NXPE1: variants seen among roughly 807,000 people sequenced by gnomAD.
The protein encoded by NXPE1 is NXPE family member 1.
In NXPE1, 31 loss-of-function variants were observed where a neutral mutation model predicts 33.3. The ratio of observed to expected loss-of-function variants is 0.93; its 90% CI spans 0.70 to 1.26. The LOEUF (loss-of-function observed/expected upper bound fraction) is 1.26. Among genes scored for constraint, NXPE1 ranks in the 50% most tolerant of loss-of-function variants. The pLI, the probability that NXPE1 is intolerant of heterozygous loss-of-function variation, is 0.00. For synonymous variants in NXPE1, 229 were observed against 231.4 expected (o/e 0.99, Z 0.09); for missense variants, 661 against 655.6 (o/e 1.01, Z -0.09).
chr11:114,552,185 C>G lies in NXPE1; in HGVS notation c.-181-100G>C, dbSNP rs868299671. On this transcript the variant is annotated intron_variant, in intron 2 of 8. Transcript: ENST00000534921. ...AAATTATTTTAAACAAGATATAGTA[C>G]ACAGTTGCAACTCATATTGAATCAC... is the stretch of plus-strand genomic sequence containing the variant. The G allele has an allele frequency of 3.9e-5, 6 of 152,242 alleles. No homozygotes were observed. In the South Asian group the frequency reaches 1.2e-3, roughly 32 times the overall value. 9.4% of individuals were successfully genotyped at this position (152,242 alleles called of 1,614,324 possible). A position where few individuals can be genotyped will look rare whatever the true frequency, so the allele number is the denominator to read the frequency against.
chr11:114,530,342 C>G, exon 6 of NXPE1: 2 of 1,614,200 alleles, frequency 1.2e-6, no homozygotes, highest in Non-Finnish European at 1.7e-6. Context: ...AGTTTAGGGT[C>G]AGGCCACATT....
At chr11:114,535,620 A>G (rs1947787507) in intron 5 of NXPE1, among the ~76,000 whole-genome samples, 1 of 152,226 alleles carries the variant, frequency 6.6e-6, no homozygotes, top group South Asian at 2.1e-4. Flanking sequence ...AAAAAAATGC[A>G]GGGATTGCAA....
chr11:114,533,671 C>G (rs562902109), intron 5 of NXPE1, among the ~76,000 whole-genome samples: 1 of 152,216 alleles, frequency 6.6e-6, no homozygotes, highest in Non-Finnish European at 1.5e-5. Flanking sequence ...CCTACGCCCA[C>G]GGAGCCTTGC....
In NXPE1 at chr11:114,522,268, G is replaced by T. The variant is rs769402776; in HGVS notation, c.1344C>A (p.Asp448Glu). ...CACCGATGGCCCTGCGAATAAAAAT[G>T]TCAATGGGAAATGGTCTAAAGTGCT... The change falls in exon 9 of 9, where the codon GAC becomes GAA. Residue 448 changes from aspartate to glutamate, a missense_variant. Asp to Glu is a conservative substitution (Grantham distance 45). Coordinates refer to ENST00000534921, the Ensembl canonical transcript of NXPE1. The T allele has an allele frequency of 1.9e-6, 3 of 1,614,070 alleles. 1 individual carries two copies. The South Asian group carries it at 3.3e-5, about 18-fold the overall frequency.
chr11:114,531,158 G>A (rs1434253695), intron 5 of NXPE1, among the ~76,000 whole-genome samples: 1 of 151,670 alleles, frequency 6.6e-6, no homozygotes, highest in Non-Finnish European at 1.5e-5. Flanking sequence ...TGATAATTTT[G>A]TATAAAATGT....
At chr11:114,542,784 A>G (rs774057797) in intron 5 of NXPE1, among the ~76,000 whole-genome samples, 4 of 152,224 alleles carry the variant, frequency 2.6e-5, no homozygotes, top group Non-Finnish European at 5.9e-5. Flanking sequence ...ATTAAAATAA[A>G]CATAATCATT....
intron 5 of NXPE1, among the ~76,000 whole-genome samples, chr11:114,541,831 C>G (rs971262701): frequency 3.3e-5 from 5 of 152,204 alleles, no homozygotes; most frequent in African/African-American, 1.2e-4. Flanking sequence ...AAGAACCAAA[C>G]AATATCTGAG....
At chr11:114,541,140 G>C (rs116242060) in intron 5 of NXPE1, among the ~76,000 whole-genome samples, 1 of 152,136 alleles carries the variant, frequency 6.6e-6, no homozygotes, top group South Asian at 2.1e-4. Flanking sequence ...CAAGTTAATC[G>C]ATTGCCTGCC....
At chr11:114,546,789 G>A (rs1160799600) in intron 5 of NXPE1, among the ~76,000 whole-genome samples, 1 of 152,156 alleles carries the variant, frequency 6.6e-6, no homozygotes, top group Non-Finnish European at 1.5e-5. Context: ...AAAGCATCTT[G>A]TAGTGTCGGA....
intron 5 of NXPE1, among the ~76,000 whole-genome samples, chr11:114,537,364 C>G (rs1947872408): frequency 6.6e-6 from 1 of 152,154 alleles, no homozygotes; most frequent in African/African-American, 2.4e-5. Context: ...CCTTTGAAAA[C>G]TGGCACAAGA....
At chr11:114,550,462 A>C (rs1948438789) in intron 5 of NXPE1, among the ~76,000 whole-genome samples, 1 of 152,188 alleles carries the variant, frequency 6.6e-6, no homozygotes, top group African/African-American at 2.4e-5. Context: ...CGCACTCAAC[A>C]TCAGTGAGGA....
intron 5 of NXPE1, among the ~76,000 whole-genome samples, chr11:114,538,845 A>T (rs1036531652): frequency 4.9e-4 from 75 of 152,298 alleles, no homozygotes; most frequent in African/African-American, 1.6e-3. Flanking sequence ...GGGACTGTAA[A>T]CTAGTTCAAC....
At chr11:114,557,834 A>T (rs1362577168) in intron 1 of NXPE1, among the ~76,000 whole-genome samples, 5 of 151,916 alleles carry the variant, frequency 3.3e-5, no homozygotes, top group Middle Eastern at 3.4e-3. Flanking sequence ...GTTACATTTT[A>T]AAAAATCTTA....
chr11:114,523,181 C>T, intron 7 of NXPE1, 90 bp from the exon 8 acceptor site: 2 of 917,010 alleles, frequency 2.2e-6, no homozygotes, highest in South Asian at 1.5e-5. Flanking sequence ...TGCTCTCTTT[C>T]CCCCTTCCTG....
intron 1 of NXPE1, among the ~76,000 whole-genome samples, chr11:114,557,125 C>G (rs1383284812): frequency 1.3e-5 from 2 of 152,056 alleles, no homozygotes; most frequent in African/African-American, 4.8e-5. Context: ...AATTCCTGAC[C>G]TCAAGTAATC....
downstream of NXPE1, among the ~76,000 whole-genome samples, chr11:114,521,003 A>G (rs1947198537): frequency 6.6e-6 from 1 of 152,216 alleles, no homozygotes; most frequent in Non-Finnish European, 1.5e-5. Context: ...CAAACCTTTT[A>G]AAAAAGTTCA....
chr11:114,534,927 A>T (rs1947739913), intron 5 of NXPE1, among the ~76,000 whole-genome samples: 1 of 152,214 alleles, frequency 6.6e-6, no homozygotes, highest in Non-Finnish European at 1.5e-5. Flanking sequence ...GGAAATACAG[A>T]GAACGCCACT....
At chr11:114,552,180 T>C (rs1948510179) in intron 2 of NXPE1, 95 bp from the exon 3 acceptor site, 1 of 152,164 alleles carries the variant, frequency 6.6e-6, no homozygotes, top group Admixed American at 6.6e-5. Flanking sequence ...AAACAAGATA[T>C]AGTACACAGT....
At chr11:114,538,886 G>A (rs1486087004) in intron 5 of NXPE1, among the ~76,000 whole-genome samples, 3 of 152,074 alleles carry the variant, frequency 2.0e-5, no homozygotes, top group Non-Finnish European at 4.4e-5. Context: ...TGATTCCTCA[G>A]GGATCTAGAA....
Sources: allele counts gnomAD v4.1 joint callset (sites outside exome capture counted in the v4.1 genomes callset), GRCh38; gene constraint gnomAD v4.1.1; transcripts MANE v1.5; gene names NCBI Gene and HGNC (gene_info 2026-07-23, HGNC 2026-07-21).